Variants in CTNND2 observed in about 807,000 individuals in gnomAD.
The protein encoded by CTNND2 is catenin delta-2.
A neutral mutation model predicts 144.4 loss-of-function variants in CTNND2; 22 were observed. The observed-to-expected ratio is 0.15, with a 90% confidence interval of 0.11 to 0.22. The LOEUF (loss-of-function observed/expected upper bound fraction) is 0.22. Ranked by LOEUF, CTNND2 falls within the 10% of genes least tolerant of loss-of-function variation. CTNND2 has a pLI of 1.00. For synonymous variants in CTNND2, 751 were observed against 695.6 expected (o/e 1.08, Z -1.25); for missense variants, 1,353 against 1,618.8 (o/e 0.84, Z 2.82).
chr5:11,396,842 A>C (rs1760187634), intron 6 of CTNND2, among the ~76,000 whole-genome samples, 189 bp downstream of exon 6: 1 of 152,220 alleles, frequency 6.6e-6, no homozygotes. Context: ...GTAATTTAGC[A>C]TTACTCCATA....
intron 8 of CTNND2, among the ~76,000 whole-genome samples, chr5:11,359,523 C>G (rs1467234196): frequency 6.6e-6 from 1 of 152,192 alleles, no homozygotes; most frequent in African/African-American, 2.4e-5. Flanking sequence ...CACTCTGTGG[C>G]ACAAAGTGAC....
chr5:11,723,511 C>T (rs1400849455), intron 2 of CTNND2, among the ~76,000 whole-genome samples: 1 of 152,166 alleles, frequency 6.6e-6, no homozygotes, highest in African/African-American at 2.4e-5. Context: ...ATCAATGTAA[C>T]ACTGGAAATG....
chr5:11,819,178 A>C (rs980011682), intron 1 of CTNND2, among the ~76,000 whole-genome samples: 9 of 152,220 alleles, frequency 5.9e-5, no homozygotes, highest in East Asian at 5.8e-4. Flanking sequence ...ACCACACTGT[A>C]ATCCCAGCAC....
At chr5:11,452,592 T>A (rs867052830) in intron 3 of CTNND2, among the ~76,000 whole-genome samples, 48 of 152,292 alleles carry the variant, frequency 3.2e-4, no homozygotes, top group Non-Finnish European at 6.3e-4. Flanking sequence ...TATAATTTTT[T>A]AAAAATCAAA....
At chr5:11,581,647 A>T (rs992735041) in intron 2 of CTNND2, among the ~76,000 whole-genome samples, 3 of 152,220 alleles carry the variant, frequency 2.0e-5, no homozygotes, top group African/African-American at 7.2e-5. Flanking sequence ...TTTGCAAACC[A>T]AGAGCAATCA....
chr5:11,171,211 A>G (rs1355746426), intron 11 of CTNND2, among the ~76,000 whole-genome samples: 2 of 152,136 alleles, frequency 1.3e-5, no homozygotes, highest in African/African-American at 2.4e-5. Flanking sequence ...CCTGACCACA[A>G]CCTTAGAAGA....
At chr5:11,425,060 T>C (rs898276524) in intron 3 of CTNND2, among the ~76,000 whole-genome samples, 1 of 152,250 alleles carries the variant, frequency 6.6e-6, no homozygotes, top group Non-Finnish European at 1.5e-5. Flanking sequence ...AACTCATCCA[T>C]TATGTGTAAG....
At chr5:11,279,133 A>G (rs1746855592) in intron 9 of CTNND2, among the ~76,000 whole-genome samples, 1 of 152,162 alleles carries the variant, frequency 6.6e-6, no homozygotes, top group African/African-American at 2.4e-5. Flanking sequence ...GGCAGATGAG[A>G]ATACATGATT....
chr5:11,141,247 C>A (rs1181402002), intron 12 of CTNND2, among the ~76,000 whole-genome samples: 1 of 152,154 alleles, frequency 6.6e-6, no homozygotes, highest in East Asian at 1.9e-4. Context: ...GGACATCATG[C>A]CCAGCTGTTT....
chr5:11,287,017 A>G, intron 9 of CTNND2, among the ~76,000 whole-genome samples: 1 of 152,196 alleles, frequency 6.6e-6, no homozygotes, highest in Non-Finnish European at 1.5e-5. Context: ...ATCTACATAT[A>G]CACACCCACA....
intron 16 of CTNND2, among the ~76,000 whole-genome samples, chr5:11,048,005 G>C (rs551544106): frequency 6.6e-6 from 1 of 152,078 alleles, no homozygotes; most frequent in African/African-American, 2.4e-5. Context: ...TTCCTAAATC[G>C]CTCCTCCCAA....
At chr5:11,772,907 T>A (rs1790031697) in intron 1 of CTNND2, among the ~76,000 whole-genome samples, 1 of 152,220 alleles carries the variant, frequency 6.6e-6, no homozygotes, top group Admixed American at 6.5e-5. Flanking sequence ...GTTATGGTTG[T>A]GGAGCCTGAA....
chr5:11,153,035 G>A (rs1020643144), intron 12 of CTNND2, among the ~76,000 whole-genome samples: 23 of 152,078 alleles, frequency 1.5e-4, no homozygotes, highest in Admixed American at 1.4e-3. Flanking sequence ...AGGTTGAGGC[G>A]GGAGGATCAC....
chr5:11,695,720 A>G (rs1049390886), intron 2 of CTNND2, among the ~76,000 whole-genome samples: 6 of 152,180 alleles, frequency 3.9e-5, no homozygotes, highest in Admixed American at 3.9e-4. Flanking sequence ...TTTAGTACTG[A>G]AGCAGGCTTA....
At chr5:11,527,618 C>A (rs953943096) in intron 3 of CTNND2, among the ~76,000 whole-genome samples, 8 of 152,212 alleles carry the variant, frequency 5.3e-5, no homozygotes, top group African/African-American at 1.7e-4. Flanking sequence ...CAAGGCATCT[C>A]TGAGACTTTT....
intron 6 of CTNND2, among the ~76,000 whole-genome samples, chr5:11,387,250 A>AAT (rs1489003454): frequency 1.3e-5 from 2 of 151,154 alleles, no homozygotes; most frequent in African/African-American, 2.4e-5. Context: ...TTAAAAAAAA[A>AAT]AAAATTCTAG....
intron 3 of CTNND2, among the ~76,000 whole-genome samples, chr5:11,530,992 C>G (rs1038512444): frequency 1.3e-5 from 2 of 152,172 alleles, no homozygotes; most frequent in Non-Finnish European, 1.5e-5. Context: ...ATACAACACA[C>G]GGCTTTGTCT....
intron 2 of CTNND2, among the ~76,000 whole-genome samples, chr5:11,580,969 T>C (rs1443273378): frequency 6.6e-6 from 1 of 152,188 alleles, no homozygotes; most frequent in Non-Finnish European, 1.5e-5. Flanking sequence ...TTGTTTTCCA[T>C]GGCCTCTTCC....
intron 1 of CTNND2, among the ~76,000 whole-genome samples, chr5:11,753,596 C>T (rs1420773715): frequency 6.6e-6 from 1 of 151,814 alleles, no homozygotes; most frequent in Non-Finnish European, 1.5e-5. Context: ...TGACTTTTTA[C>T]ATCAATGTTC....
Sources: allele counts gnomAD v4.1 joint callset (sites outside exome capture counted in the v4.1 genomes callset), GRCh38; gene constraint gnomAD v4.1.1; transcripts MANE v1.5; gene names NCBI Gene and HGNC (gene_info 2026-07-23, HGNC 2026-07-21).